The following TCP11L2 variants were observed in gnomAD, a reference collection of about 807,000 sequenced individuals.
The protein encoded by TCP11L2 is T-complex protein 11-like protein 2.
Under a neutral mutation model 50.7 loss-of-function variants are expected in TCP11L2, and 39 were observed. The ratio of observed to expected loss-of-function variants is 0.77; its 90% CI spans 0.60 to 1.01. The LOEUF is 1.01. Ranked by LOEUF, TCP11L2 falls within the 50% of genes least tolerant of loss-of-function variation. TCP11L2 has a pLI of 0.00. For synonymous variants in TCP11L2, 192 were observed against 219.3 expected (o/e 0.88, Z 1.10); for missense variants, 612 against 614.7 (o/e 1.00, Z 0.05).
chr12:106,320,214 C>T (rs139534232), intron 4 of TCP11L2, among the ~76,000 whole-genome samples: 3,020 of 152,222 alleles, frequency 0.02, 41 homozygotes, highest in Middle Eastern at 0.031. Context: ...TCCTGGCCAA[C>T]ATGGTGACCC....
chr12:106,314,299 G>C (rs907650254), intron 2 of TCP11L2, 59 bp from the exon 3 acceptor site: 7 of 1,570,810 alleles, frequency 4.5e-6, no homozygotes, highest in Non-Finnish European at 6.1e-6. Flanking sequence ...GCATCAGGAG[G>C]CTTCGTTGGA....
intron 1 of TCP11L2, 159 bp downstream of exon 1, chr12:106,303,100 T>C (rs1197383667): frequency 6.6e-6 from 1 of 152,286 alleles, no homozygotes; most frequent in Non-Finnish European, 1.5e-5. Context: ...TCCTAGTTCA[T>C]GTCTTCCCAC....
chr12:106,314,491 G>T lies in TCP11L2; in HGVS notation c.291G>T (p.Lys97Asn). 6.2e-7 allele frequency: 1 copy of T among 1,606,632 alleles called. No homozygotes were observed. The highest frequency in any genetic ancestry group is 1.1e-5 in the South Asian group (1 of 90,966). ...FQLKQEALPE[K>N]SLAGRVKHIV... ...TGAAACAAGAGGCTCTCCCAGAAAA[G>T]AGGTAACCTGGGGGCATTTGTTGTA... Residue 97 changes from lysine to asparagine, a missense_variant and splice_region_variant, in exon 3 of 10, where the codon AAG becomes AAT. Coordinates refer to ENST00000299045, the MANE Select transcript of TCP11L2 (RefSeq NM_152772.3).
upstream of TCP11L2, among the ~76,000 whole-genome samples, chr12:106,298,177 A>T (rs79702195): frequency 1.0e-3 from 152 of 152,334 alleles, 2 homozygotes; most frequent in East Asian, 0.028. Flanking sequence ...TTGTTCAAGC[A>T]TCAATTAATA....
chr12:106,302,467 C>T (rs1317461015), upstream of TCP11L2, among the ~76,000 whole-genome samples: 4 of 150,334 alleles, frequency 2.7e-5, no homozygotes, highest in African/African-American at 9.8e-5. Context: ...CCCCCAACGC[C>T]GGGCGCTCCC....
At chr12:106,321,262 A>C (rs1276065206) in intron 4 of TCP11L2, among the ~76,000 whole-genome samples, 3 of 152,148 alleles carry the variant, frequency 2.0e-5, no homozygotes, top group Non-Finnish European at 4.4e-5. Context: ...CAGGAGCAGG[A>C]GTTTCCCATG....
chr12:106,321,337 C>G (rs2035326296), intron 4 of TCP11L2, 149 bp from the exon 5 acceptor site: 1 of 655,032 alleles, frequency 1.5e-6, no homozygotes, highest in East Asian at 2.7e-5. Flanking sequence ...GAATGCTCCT[C>G]TGATCCACCC....
upstream of TCP11L2, among the ~76,000 whole-genome samples, chr12:106,301,090 T>C (rs2136565862): frequency 6.6e-6 from 1 of 152,338 alleles, no homozygotes; most frequent in East Asian, 1.9e-4. Flanking sequence ...TGTGTGGTGG[T>C]TGTCATTTGG....
In TCP11L2 at chr12:106,346,540, G is replaced by A; in HGVS notation, c.*10G>A. On this transcript the variant is annotated 3_prime_UTR_variant, in exon 10 of 10. Coordinates refer to ENST00000299045, the MANE Select transcript of TCP11L2 (RefSeq NM_152772.3). ...ACCTCCTACTAACTAAAGAAGAACT[G>A]ACATTGGACGAGAGATTGGAAATCC... is the stretch of plus-strand genomic sequence containing the variant. 6.2e-7 allele frequency: 1 copy of A among 1,605,502 alleles called. No individual in the cohort carries two copies. Among genetic ancestry groups the A allele is most frequent in the Non-Finnish European group, 8.5e-7 (1 of 1,176,196 alleles).
At chr12:106,318,290 T>C (rs1033249213) in intron 3 of TCP11L2, 54 bp from the exon 4 acceptor site, 2 of 1,582,970 alleles carry the variant, frequency 1.3e-6, no homozygotes, top group Admixed American at 3.5e-5. Flanking sequence ...GTTTCTTTTA[T>C]AATCAGGAAA....
At chr12:106,299,326 G>A (rs898874124), upstream of TCP11L2, among the ~76,000 whole-genome samples, 7 of 152,114 alleles carry the variant, frequency 4.6e-5, no homozygotes, top group East Asian at 5.8e-4. Flanking sequence ...CATTGAAACA[G>A]ACATAAGTTT....
At chr12:106,341,281 A>C (rs922501884) in intron 9 of TCP11L2, among the ~76,000 whole-genome samples, 1 of 152,242 alleles carries the variant, frequency 6.6e-6, no homozygotes, top group African/African-American at 2.4e-5. Context: ...ATCCTAGATC[A>C]ATGCAGTAAT....
At chr12:106,315,001 G>A (rs11837464) in intron 3 of TCP11L2, among the ~76,000 whole-genome samples, 14 of 85,318 alleles carry the variant, frequency 1.6e-4, no homozygotes, top group South Asian at 3.4e-4. Context: ...GCAAGACCCT[G>A]TCTCAAAAAA....
chr12:106,319,041 AGCTGGGACTACAGGC>A (rs1215895239), intron 4 of TCP11L2, among the ~76,000 whole-genome samples: 17 of 152,124 alleles, frequency 1.1e-4, no homozygotes, highest in African/African-American at 3.9e-4. Context: ...CCTCCCGAGT[AGCTGGGACTACAGGC>A]GCCCGCCACC....
intron 1 of TCP11L2, among the ~76,000 whole-genome samples, chr12:106,309,832 T>G (rs1226253436): frequency 6.6e-6 from 1 of 152,048 alleles, no homozygotes. Context: ...ATTAATGGAA[T>G]CATTGAAGAA....
At chr12:106,339,523 G>T (rs1055249768) in intron 8 of TCP11L2, among the ~76,000 whole-genome samples, 1 of 152,096 alleles carries the variant, frequency 6.6e-6, no homozygotes, top group Admixed American at 6.5e-5. Flanking sequence ...ATTTGCTTTT[G>T]GGTAATTCAT....
chr12:106,322,378 G>C (rs926138108), intron 5 of TCP11L2, among the ~76,000 whole-genome samples: 1 of 152,172 alleles, frequency 6.6e-6, no homozygotes, highest in Non-Finnish European at 1.5e-5. Flanking sequence ...ACCATGACTA[G>C]TCACATGATC....
intron 6 of TCP11L2, among the ~76,000 whole-genome samples, chr12:106,333,218 G>A (rs368406863): frequency 3.0e-4 from 45 of 152,214 alleles, no homozygotes; most frequent in Middle Eastern, 3.4e-3. Context: ...TGTCCTTGGG[G>A]GCAGCTGGGT....
At chr12:106,337,524 C>T (rs1258322556) in intron 8 of TCP11L2, among the ~76,000 whole-genome samples, 1 of 152,172 alleles carries the variant, frequency 6.6e-6, no homozygotes, top group Non-Finnish European at 1.5e-5. Context: ...CATTACTTTC[C>T]AGAAACTTTT....
Sources: allele counts gnomAD v4.1 joint callset (sites outside exome capture counted in the v4.1 genomes callset), GRCh38; gene constraint gnomAD v4.1.1; transcripts MANE v1.5; gene names NCBI Gene and HGNC (gene_info 2026-07-23, HGNC 2026-07-21).